The following MYO5B variants were observed in gnomAD, a reference collection of about 807,000 sequenced individuals.
MYO5B encodes unconventional myosin-Vb.
Under a neutral mutation model 229.3 loss-of-function variants are expected in MYO5B, and 143 were observed. That is an observed-to-expected ratio of 0.62 (90% CI 0.54 to 0.72). The LOEUF (loss-of-function observed/expected upper bound fraction) is 0.72, where lower values mean the gene tolerates loss of function less well. Among genes scored for constraint, MYO5B ranks in the 30% least tolerant of loss-of-function variants. The pLI is 0.00. For missense variants in MYO5B, 2,321 were observed against 2,331.0 expected, an observed-to-expected ratio of 1.00 and a Z score of 0.09; for synonymous variants, 918 against 885.2, an observed-to-expected ratio of 1.04 and a Z score of -0.66.
intron 5 of MYO5B, among the ~76,000 whole-genome samples, chr18:49,993,115 T>A (rs1303414555): frequency 6.6e-6 from 1 of 152,158 alleles, no homozygotes; most frequent in Non-Finnish European, 1.5e-5. Flanking sequence ...ACTAATTTTA[T>A]CGTGTGAAGA....
chr18:50,156,043 A>AC, intron 1 of MYO5B, among the ~76,000 whole-genome samples: 1 of 152,208 alleles, frequency 6.6e-6, no homozygotes, highest in East Asian at 1.9e-4. Flanking sequence ...CTGGGACCAC[A>AC]CCCACATAAA....
At chr18:49,829,230 G>C (rs1180130760) in intron 39 of MYO5B, among the ~76,000 whole-genome samples, 1 of 151,794 alleles carries the variant, frequency 6.6e-6, no homozygotes, top group African/African-American at 2.4e-5. Flanking sequence ...AGGTGTGTGG[G>C]AAGACTAAAA....
chr18:49,872,078 G>GCT, intron 27 of MYO5B, 89 bp downstream of exon 27: 1 of 1,218,566 alleles, frequency 8.2e-7, no homozygotes, highest in South Asian at 1.2e-5. Flanking sequence ...GCAGACTGGG[G>GCT]CTCAGGGCCT....
At chr18:50,050,728 C>T (rs1459999213) in intron 2 of MYO5B, among the ~76,000 whole-genome samples, 2 of 152,136 alleles carry the variant, frequency 1.3e-5, no homozygotes, top group Non-Finnish European at 2.9e-5. Context: ...TGCCCAGCTG[C>T]CTTGAGGTTC....
intron 39 of MYO5B, among the ~76,000 whole-genome samples, chr18:49,829,814 A>G (rs947830306): frequency 6.6e-6 from 1 of 152,222 alleles, no homozygotes; most frequent in Non-Finnish European, 1.5e-5. Context: ...AATGTAATAT[A>G]CCACATTAAC....
At chr18:49,906,884 C>A (rs549398649) in intron 18 of MYO5B, among the ~76,000 whole-genome samples, 1 of 151,470 alleles carries the variant, frequency 6.6e-6, no homozygotes, top group Admixed American at 6.6e-5. Context: ...GACAGACAAG[C>A]AAATAAAGAT....
At chr18:50,138,420 G>GC (rs972642670) in intron 1 of MYO5B, among the ~76,000 whole-genome samples, 1 of 152,136 alleles carries the variant, frequency 6.6e-6, no homozygotes, top group African/African-American at 2.4e-5. Context: ...AATTTGGGGG[G>GC]GGTGGCAGGA....
chr18:49,985,084 C>A (rs1187473580), intron 7 of MYO5B, among the ~76,000 whole-genome samples: 2 of 152,290 alleles, frequency 1.3e-5, no homozygotes, highest in East Asian at 3.9e-4. Context: ...CATATGTTAA[C>A]ACAAAAGGCA....
At chr18:49,961,003 G>T (rs1272784767) in intron 12 of MYO5B, among the ~76,000 whole-genome samples, 1 of 152,194 alleles carries the variant, frequency 6.6e-6, no homozygotes, top group Non-Finnish European at 1.5e-5. Context: ...TAGCTTCGGG[G>T]GTATGGAGCT....
At position 49,865,984 on chromosome 18, in the gene MYO5B, C is replaced by T. The variant is rs531421763; in HGVS notation, c.3604-1604G>A. On this transcript the variant is annotated intron_variant, in intron 27 of 39. Transcript: ENST00000285039. ...TCCCCCACAGGTTCACTACCATTCC[C>T]TCATCATCCTTTCTGGTCAACAGTG... Among the ~76,000 whole-genome samples the T allele has an allele frequency of 2.0e-5, 3 of 152,350 alleles. No individual in the cohort carries two copies. The East Asian group carries it at 5.8e-4, about 29-fold the overall frequency.
intron 1 of MYO5B, among the ~76,000 whole-genome samples, chr18:50,166,483 G>A (rs941049651): frequency 1.1e-4 from 17 of 152,088 alleles, no homozygotes; most frequent in African/African-American, 3.6e-4. Flanking sequence ...CAGCTAAGCT[G>A]GTACATCTCA....
chr18:49,864,579 G>C (rs780835421), intron 27 of MYO5B, among the ~76,000 whole-genome samples, 199 bp from the exon 28 acceptor site: 1 of 152,222 alleles, frequency 6.6e-6, no homozygotes, highest in Non-Finnish European at 1.5e-5. Flanking sequence ...CAAGTCACAA[G>C]TGTGAAGCAC....
intron 14 of MYO5B, among the ~76,000 whole-genome samples, chr18:49,942,847 CG>C (rs2144224592): frequency 6.6e-6 from 1 of 152,218 alleles, no homozygotes; most frequent in Admixed American, 6.5e-5. Flanking sequence ...CCATTTGACA[CG>C]GCCATCACAT....
chr18:49,895,573 C>T (rs1278669529), intron 21 of MYO5B, among the ~76,000 whole-genome samples: 1 of 152,160 alleles, frequency 6.6e-6, no homozygotes, highest in Admixed American at 6.5e-5. Context: ...CATACAGAGC[C>T]CTCCTGCCTG....
intron 1 of MYO5B, among the ~76,000 whole-genome samples, chr18:50,167,865 C>G (rs79607257): frequency 6.6e-6 from 1 of 152,124 alleles, no homozygotes; most frequent in Non-Finnish European, 1.5e-5. Context: ...TCTGGCCCCA[C>G]GGGTAAGGCA....
intron 1 of MYO5B, among the ~76,000 whole-genome samples, chr18:50,096,896 A>G (rs2031562515): frequency 6.6e-6 from 1 of 152,090 alleles, no homozygotes; most frequent in Admixed American, 6.5e-5. Context: ...CCTTCAGACA[A>G]CGTCTGCTCC....
chr18:49,994,140 C>T (rs1288015126), intron 5 of MYO5B, among the ~76,000 whole-genome samples: 1 of 152,144 alleles, frequency 6.6e-6, no homozygotes, highest in Non-Finnish European at 1.5e-5. Flanking sequence ...CTTCCCTGAT[C>T]CCGAGACTAG....
chr18:49,878,130 C>T (rs137886033), intron 24 of MYO5B, among the ~76,000 whole-genome samples: 32 of 152,228 alleles, frequency 2.1e-4, no homozygotes, highest in Admixed American at 1.9e-3. Flanking sequence ...TCAATTTCTC[C>T]GAGAAGTCCT....
In MYO5B at chr18:49,825,764, A is replaced by G. The variant is rs12457962; in HGVS notation, c.*707T>C. 11,291 of 152,774 alleles carry G rather than the reference A, an allele frequency of 0.074. 913 individuals are homozygous for G. The highest frequency in any genetic ancestry group is 0.29 in the East Asian group (1,509 of 5,180). The allele number at this position is 152,774 out of a possible 1,614,324, so 9.5% of individuals were successfully genotyped here. A position where few individuals can be genotyped will look rare whatever the true frequency, so the allele number is the denominator to read the frequency against. ...CTCACTTGGAGTTTGGGATAGCAGC[A>G]TTTTAATAATCTCTTCCATTAAATC... is the stretch of plus-strand genomic sequence containing the variant. On this transcript the variant is annotated 3_prime_UTR_variant, in exon 40 of 40. Coordinates refer to ENST00000285039, the MANE Select transcript of MYO5B (RefSeq NM_001080467.3).
Sources: allele counts gnomAD v4.1 joint callset (sites outside exome capture counted in the v4.1 genomes callset), GRCh38; gene constraint gnomAD v4.1.1; transcripts MANE v1.5; gene names NCBI Gene and HGNC (gene_info 2026-07-23, HGNC 2026-07-21).